The following NFIB variants were observed in gnomAD, a reference collection of about 807,000 sequenced individuals.
NFIB encodes nuclear factor 1 B-type.
A neutral mutation model predicts 61.5 loss-of-function variants in NFIB; 11 were observed. The observed-to-expected ratio is 0.18, with a 90% CI of 0.11 to 0.30. The LOEUF (loss-of-function observed/expected upper bound fraction) is 0.30, where lower values mean the gene tolerates loss of function less well. Among genes scored for constraint, NFIB ranks in the 10% least tolerant of loss-of-function variants. The probability of loss-of-function intolerance (pLI) is 1.00; values close to 1 mark genes in which losing one functional copy is unlikely to be tolerated. For synonymous variants in NFIB, 260 were observed against 216.5 expected (o/e 1.20, Z -1.76); for missense variants, 471 against 608.9 (o/e 0.77, Z 2.38).
intron 1 of NFIB, among the ~76,000 whole-genome samples, chr9:14,323,227 G>A (rs763346831): frequency 4.3e-4 from 66 of 152,266 alleles, no homozygotes; most frequent in Non-Finnish European, 6.6e-4. Context: ...TAATTTAGAA[G>A]TGGGTGAAAC....
chr9:14,192,375 C>T (rs2048040812), intron 2 of NFIB, among the ~76,000 whole-genome samples: 1 of 152,076 alleles, frequency 6.6e-6, no homozygotes, highest in Non-Finnish European at 1.5e-5. Flanking sequence ...AAACTTAATT[C>T]CCCTGCCCCA....
intron 9 of NFIB, among the ~76,000 whole-genome samples, chr9:14,113,651 A>G (rs1470498916): frequency 6.6e-6 from 1 of 152,190 alleles, no homozygotes; most frequent in Non-Finnish European, 1.5e-5. Flanking sequence ...TCAGCTCGGT[A>G]TTTTACCTGT....
At chr9:14,438,791 G>C in the NFIB span, among the ~76,000 whole-genome samples, 1 of 152,090 alleles carries the variant, frequency 6.6e-6, no homozygotes, top group Non-Finnish European at 1.5e-5. Context: ...TAATAACAAA[G>C]AGCCGGGAGA....
chr9:14,468,728 G>T, the NFIB span, among the ~76,000 whole-genome samples: 59 of 152,340 alleles, frequency 3.9e-4, no homozygotes, highest in African/African-American at 1.4e-3. Context: ...TGTCACTTGT[G>T]AGGCATTTTG....
intron 2 of NFIB, among the ~76,000 whole-genome samples, chr9:14,190,153 G>C (rs2047788807): frequency 6.6e-6 from 1 of 152,140 alleles, no homozygotes; most frequent in Non-Finnish European, 1.5e-5. Context: ...TGAGCTTAGA[G>C]AGAAGAAACT....
At chr9:14,284,798 G>A (rs181102277) in intron 2 of NFIB, among the ~76,000 whole-genome samples, 1 of 152,226 alleles carries the variant, frequency 6.6e-6, no homozygotes, top group Non-Finnish European at 1.5e-5. Flanking sequence ...AGGGTGAGTG[G>A]GATAGGGAAG....
chr9:14,401,900 C>A (rs1023402551), upstream of NFIB, among the ~76,000 whole-genome samples: 1 of 152,150 alleles, frequency 6.6e-6, no homozygotes, highest in Non-Finnish European at 1.5e-5. Context: ...TTTCCCTACA[C>A]CTTTTGCTTA....
chr9:14,492,311 C>T, the NFIB span, among the ~76,000 whole-genome samples: 4 of 151,204 alleles, frequency 2.6e-5, no homozygotes, highest in African/African-American at 4.9e-5. Context: ...TGCAGTGAGC[C>T]GAGATCACGC....
the NFIB span, among the ~76,000 whole-genome samples, chr9:14,406,481 C>T: frequency 8.9e-4 from 135 of 152,300 alleles, 1 homozygote; most frequent in South Asian, 0.027. Flanking sequence ...GACATAGAGC[C>T]TAACTCAGTG....
intron 2 of NFIB, among the ~76,000 whole-genome samples, chr9:14,296,958 C>A (rs568880668): frequency 6.6e-6 from 1 of 152,308 alleles, no homozygotes; most frequent in South Asian, 2.1e-4. Context: ...GATCTAAGCC[C>A]CGCCTTTCTC....
chr9:14,214,689 G>C (rs7041043), intron 2 of NFIB, among the ~76,000 whole-genome samples: 22,144 of 152,184 alleles, frequency 0.15, 1,960 homozygotes, highest in Non-Finnish European at 0.2. Flanking sequence ...TGAACTTCAT[G>C]GTCTATAAAT....
chr9:14,241,307 AT>A (rs2054320732), intron 2 of NFIB, among the ~76,000 whole-genome samples: 1 of 152,218 alleles, frequency 6.6e-6, no homozygotes, highest in South Asian at 2.1e-4. Context: ...AATAGACTAT[AT>A]CAGTATCAAC....
chr9:14,341,048 T>C (rs148380047), intron 1 of NFIB, among the ~76,000 whole-genome samples: 320 of 152,294 alleles, frequency 2.1e-3, no homozygotes, highest in African/African-American at 7.2e-3. Flanking sequence ...ATGAGGAATG[T>C]AGGTCAAAGA....
intron 10 of NFIB, among the ~76,000 whole-genome samples, chr9:14,097,868 CTTTTTTCT>C (rs1563780839): frequency 8.3e-6 from 1 of 121,002 alleles, no homozygotes; most frequent in Non-Finnish European, 1.8e-5. Flanking sequence ...TTCTTTCTTT[CTTTTTTCT>C]TTTTTTTTTT....
intron 1 of NFIB, among the ~76,000 whole-genome samples, chr9:14,333,369 C>T (rs1355577130): frequency 1.3e-5 from 2 of 152,156 alleles, no homozygotes; most frequent in South Asian, 2.1e-4. Flanking sequence ...AGAGCCTTAG[C>T]TCTTAGCCAT....
At chr9:14,333,550 C>T (rs1231723384) in intron 1 of NFIB, among the ~76,000 whole-genome samples, 1 of 152,130 alleles carries the variant, frequency 6.6e-6, no homozygotes, top group Admixed American at 6.5e-5. Context: ...AACTACTCCA[C>T]ACTATAGCCT....
chr9:14,131,238 C>T (rs1250498932), intron 6 of NFIB, among the ~76,000 whole-genome samples: 5 of 152,052 alleles, frequency 3.3e-5, no homozygotes, highest in African/African-American at 9.7e-5. Context: ...TAAAAGATCA[C>T]CATGTAAGAA....
At chr9:14,239,083 T>C (rs1368194960) in intron 2 of NFIB, among the ~76,000 whole-genome samples, 2 of 152,168 alleles carry the variant, frequency 1.3e-5, no homozygotes, top group Non-Finnish European at 2.9e-5. Flanking sequence ...CAGTCGGTAA[T>C]ATGCCCATTA....
chr9:14,392,242 A>T (rs1211052055), intron 1 of NFIB, among the ~76,000 whole-genome samples: 1 of 152,148 alleles, frequency 6.6e-6, no homozygotes, highest in Non-Finnish European at 1.5e-5. Flanking sequence ...GGTATTAGGT[A>T]AAAAAATGAA....
Sources: gnomAD v4.1 joint callset for allele counts (sites outside exome capture counted in the v4.1 genomes callset) on GRCh38, gnomAD v4.1.1 for gene constraint, MANE v1.5 for transcripts, NCBI Gene and HGNC (gene_info 2026-07-23, HGNC 2026-07-21) for gene names.